Variants in GHR observed in about 807,000 individuals in gnomAD.
The protein encoded by GHR is growth hormone receptor.
GHR carries 35 observed loss-of-function variants against 67.1 expected under a neutral mutation model. That is an observed-to-expected ratio of 0.52 (90% CI 0.40 to 0.69). The LOEUF (loss-of-function observed/expected upper bound fraction) is 0.69. Among genes scored for constraint, GHR ranks in the 30% least tolerant of loss-of-function variants. The pLI is 0.00. For synonymous variants in GHR, 272 were observed against 269.1 expected (o/e 1.01, Z -0.10); for missense variants, 792 against 764.6 (o/e 1.04, Z -0.42).
At chr5:42,627,870 TCCC>T (rs1753782560) in intron 2 of GHR, among the ~76,000 whole-genome samples, 3 of 152,198 alleles carry the variant, frequency 2.0e-5, no homozygotes, top group Non-Finnish European at 4.4e-5. Context: ...GCTTTCTGTA[TCCC>T]AAGCTCTTGC....
intron 2 of GHR, among the ~76,000 whole-genome samples, chr5:42,599,934 A>G (rs2112628578): frequency 6.6e-6 from 1 of 152,312 alleles, no homozygotes; most frequent in East Asian, 1.9e-4. Context: ...CTTGTCTTCA[A>G]TAAACCAAGG....
At chr5:42,696,663 G>A (rs1402966082) in intron 5 of GHR, among the ~76,000 whole-genome samples, 1 of 152,168 alleles carries the variant, frequency 6.6e-6, no homozygotes, top group East Asian at 1.9e-4. Context: ...ATCATCAGTA[G>A]TTGTTTGTGC....
chr5:42,521,409 G>C (rs866901092), intron 1 of GHR, among the ~76,000 whole-genome samples: 1 of 152,162 alleles, frequency 6.6e-6, no homozygotes, highest in Non-Finnish European at 1.5e-5. Context: ...AGCCATAATT[G>C]CTTAGCCAGT....
intron 2 of GHR, among the ~76,000 whole-genome samples, chr5:42,578,872 C>T (rs894294390): frequency 5.3e-5 from 8 of 152,040 alleles, no homozygotes; most frequent in East Asian, 3.9e-4. Flanking sequence ...AAAATAAAAA[C>T]GAAAGCAAAA....
chr5:42,558,711 G>A (rs1749442650), intron 1 of GHR, among the ~76,000 whole-genome samples: 1 of 152,146 alleles, frequency 6.6e-6, no homozygotes, highest in African/African-American at 2.4e-5. Flanking sequence ...GTGTGTAGTA[G>A]GCTATACCAT....
At chr5:42,468,554 C>G (rs1360807218) in intron 1 of GHR, 1 of 867,052 alleles carries the variant, frequency 1.2e-6, no homozygotes, top group South Asian at 1.7e-5. Context: ...GACCCTTATT[C>G]CTTCTTTCTT....
At chr5:42,624,328 A>G (rs1753596281) in intron 2 of GHR, among the ~76,000 whole-genome samples, 1 of 152,024 alleles carries the variant, frequency 6.6e-6, no homozygotes, top group Non-Finnish European at 1.5e-5. Flanking sequence ...CCCACATTCC[A>G]TTTCTGCCAT....
intron 1 of GHR, among the ~76,000 whole-genome samples, chr5:42,464,655 A>G (rs1744648867): frequency 6.6e-6 from 1 of 152,200 alleles, no homozygotes; most frequent in Non-Finnish European, 1.5e-5. Flanking sequence ...ATGTTATCTT[A>G]GTTTTGTTAA....
intron 1 of GHR, among the ~76,000 whole-genome samples, chr5:42,449,226 T>G (rs1743944978): frequency 6.6e-6 from 1 of 152,238 alleles, no homozygotes; most frequent in African/African-American, 2.4e-5. Context: ...CTTTTGGCAG[T>G]ATGTTCATTT....
intron 1 of GHR, chr5:42,467,793 G>T: frequency 6.8e-7 from 1 of 1,475,584 alleles, no homozygotes; most frequent in Admixed American, 1.8e-5. Flanking sequence ...TCCCACACAT[G>T]CTACAATGTA....
At chr5:42,427,367 G>C (rs1742898447) in intron 1 of GHR, among the ~76,000 whole-genome samples, 1 of 152,242 alleles carries the variant, frequency 6.6e-6, no homozygotes, top group Non-Finnish European at 1.5e-5. Flanking sequence ...AGGCAAGAAA[G>C]CATGTGCAGG....
chr5:42,586,784 G>A (rs1036575857), intron 2 of GHR, among the ~76,000 whole-genome samples: 5 of 152,156 alleles, frequency 3.3e-5, no homozygotes, highest in African/African-American at 7.2e-5. Flanking sequence ...CGTGAATTAC[G>A]TCTGAGCCAG....
At chr5:42,634,330 G>T (rs1376127659) in intron 3 of GHR, among the ~76,000 whole-genome samples, 1 of 152,010 alleles carries the variant, frequency 6.6e-6, no homozygotes, top group Non-Finnish European at 1.5e-5. Context: ...AATTGCCCAT[G>T]TCAACTCTAT....
intron 3 of GHR, among the ~76,000 whole-genome samples, chr5:42,665,928 TA>T (rs1429927710): frequency 6.6e-6 from 1 of 151,962 alleles, no homozygotes. Flanking sequence ...TCATGAGACT[TA>T]TTCACTGTCA....
At chr5:42,466,682 G>T (rs142682751) in intron 1 of GHR, among the ~76,000 whole-genome samples, 1 of 152,166 alleles carries the variant, frequency 6.6e-6, no homozygotes, top group African/African-American at 2.4e-5. Context: ...AAACAAAGTC[G>T]TTGCCTTCAG....
At chr5:42,679,236 T>A (rs1580184775) in intron 3 of GHR, among the ~76,000 whole-genome samples, 1 of 147,324 alleles carries the variant, frequency 6.8e-6, no homozygotes, top group East Asian at 1.9e-4. Context: ...TATTTTAATA[T>A]ACTTAAATTT....
chr5:42,441,257 A>ATTTAAGGTGC (rs35126237), intron 1 of GHR, among the ~76,000 whole-genome samples: 1 of 152,162 alleles, frequency 6.6e-6, no homozygotes, highest in African/African-American at 2.4e-5. Context: ...AAAGAGAATC[A>ATTTAAGGTGC]TTTAAGGTGC....
intron 2 of GHR, among the ~76,000 whole-genome samples, chr5:42,567,767 CTGTG>C (rs68150223): frequency 0.12 from 17,429 of 140,604 alleles, 1,153 homozygotes; most frequent in East Asian, 0.25. Flanking sequence ...ATGCTTGGCT[CTGTG>C]TGTGTGTGTG....
chr5:42,503,793 G>A (rs1746639441), intron 1 of GHR, among the ~76,000 whole-genome samples: 1 of 139,688 alleles, frequency 7.2e-6, no homozygotes, highest in South Asian at 2.2e-4. Flanking sequence ...CTAATTAGAT[G>A]ACTTTTTTTT....
Sources: allele counts gnomAD v4.1 joint callset (sites outside exome capture counted in the v4.1 genomes callset), GRCh38; gene constraint gnomAD v4.1.1; transcripts MANE v1.5; gene names NCBI Gene and HGNC (gene_info 2026-07-23, HGNC 2026-07-21).